BORCS8: variants seen among roughly 807,000 people sequenced by gnomAD.
BORCS8 encodes the protein BLOC-1-related complex subunit 8.
BORCS8 carries 13 observed loss-of-function variants against 18.7 expected under a neutral mutation model. The ratio of observed to expected loss-of-function variants is 0.70; its 90% CI spans 0.45 to 1.11. The LOEUF (loss-of-function observed/expected upper bound fraction) is 1.11. Ranked by LOEUF, BORCS8 falls within the 50% of genes least tolerant of loss-of-function variation. BORCS8 has a pLI of 0.00. For synonymous variants in BORCS8, 68 were observed against 64.8 expected (o/e 1.05, Z -0.24); for missense variants, 165 against 165.7 (o/e 1.00, Z 0.02).
chr19:19,182,303 GTA>G lies in BORCS8; in HGVS notation c.326+268_326+269del. 1.3e-6 allele frequency: 1 copy of G among 754,072 alleles called. No individual in the cohort carries two copies. Among genetic ancestry groups the G allele is most frequent in the Non-Finnish European group, 1.8e-6 (1 of 552,710 alleles). 46.7% of individuals were successfully genotyped at this position (754,072 alleles called of 1,614,324 possible). A position where few individuals can be genotyped will look rare whatever the true frequency, so the allele number is the denominator to read the frequency against. ...TGTCTGCCATGTTTACCTGGTTGTC[GTA>G]TGTCTCCTTGTGAGCCTGTCTGTCT... On this transcript the variant is annotated intron_variant, in intron 4 of 5. Transcript: ENST00000462790. The surrounding 1 kb of genome is among the most constrained non-coding windows in gnomAD (Gnocchi z 4.1).
intron 1 of BORCS8, among the ~76,000 whole-genome samples, chr19:19,191,727 G>A (rs1434877171): frequency 6.6e-6 from 1 of 151,986 alleles, no homozygotes; most frequent in African/African-American, 2.4e-5. Flanking sequence ...CCACAGGCGT[G>A]CGCCACCACG....
Position 19,180,743 on chromosome 19 carries a change from C to T in BORCS8, c.345G>A (p.Pro115=), listed in dbSNP as rs531836910. The stretch of plus-strand genomic sequence containing the variant: ...TCTTCCAGGATCAGGCTGAGGAGGG[C>T]GGGGGTGGTTCCTCCGGGCTGCAAC... The part of the protein sequence containing the change: ...AQGHSPEEPP[P]PSSA Residue 115 remains proline (P), a synonymous_variant, in exon 5 of 6, where the codon CCG becomes CCA. Transcript: ENST00000462790. 6.7e-5 allele frequency: 104 copies of T among 1,549,404 alleles called. No homozygotes were observed. The highest frequency in any genetic ancestry group is 2.0e-4 in the East Asian group (8 of 40,870).
chr19:19,178,213 G>C (rs1042117628), intron 5 of BORCS8: 4 of 152,370 alleles, frequency 2.6e-5, no homozygotes, highest in Non-Finnish European at 5.9e-5. Flanking sequence ...TCGATGGGGG[G>C]CCAGTGAGAG....
At chr19:19,183,142 A>C (rs546888968) in intron 3 of BORCS8, among the ~76,000 whole-genome samples, 2 of 152,168 alleles carry the variant, frequency 1.3e-5, no homozygotes, top group African/African-American at 4.8e-5. Context: ...GGCGCAGTGG[A>C]TCATGCCTGT....
At position 19,182,817 on chromosome 19, in the gene BORCS8, G is replaced by GAA. The variant is rs1359850396; in HGVS notation, c.216-135_216-134insTT. 6 of 1,190,602 alleles carry GAA rather than the reference G, an allele frequency of 5.0e-6. No homozygotes were observed. In the Admixed American group the frequency reaches 1.7e-4, roughly 34 times the overall value. The allele number at this position is 1,190,602 out of a possible 1,614,324, so 73.8% of individuals were successfully genotyped here. On this transcript the variant is annotated intron_variant, in intron 3 of 5. Transcript: ENST00000462790. This position sits in a 1 kb window ranked among gnomAD's most constrained non-coding sequence, Gnocchi z 4.1. ...GCGGGCTTCCCGAAGGACTCACAGT[G>GAA]GGCTTACATTTTAGATTTCCCTGCT...
At position 19,177,309 on chromosome 19, in the gene BORCS8, T is replaced by C. The variant is rs1191508435; in HGVS notation, c.*194A>G. 6.6e-6 allele frequency: 1 copy of C among 152,098 alleles called. No individual in the cohort carries two copies. Among genetic ancestry groups the C allele is most frequent in the Admixed American group, 6.6e-5 (1 of 15,238 alleles). 9.4% of individuals were successfully genotyped at this position (152,098 alleles called of 1,614,324 possible). A position where few individuals can be genotyped will look rare whatever the true frequency, so the allele number is the denominator to read the frequency against. On this transcript the variant is annotated 3_prime_UTR_variant, in exon 6 of 6. Transcript: ENST00000462790. Reference sequence around the variant, plus strand: ...AACTCAGCCTGTAGAGAAGGTGCAGTCCAGCCTTCCTTATCCAGATGAAGA... The same window carrying C: ...AACTCAGCCTGTAGAGAAGGTGCAGCCCAGCCTTCCTTATCCAGATGAAGA...
intron 4 of BORCS8, chr19:19,181,951 C>A (rs983063360): frequency 2.0e-6 from 2 of 985,376 alleles, no homozygotes; most frequent in Admixed American, 1.2e-4. Flanking sequence ...CAAAAATTCT[C>A]TTTCCAATGT....
At chr19:19,191,260 T>C (rs1047633893) in intron 1 of BORCS8, among the ~76,000 whole-genome samples, 4 of 151,514 alleles carry the variant, frequency 2.6e-5, no homozygotes, top group Non-Finnish European at 5.9e-5. Context: ...GGGGCTGAGG[T>C]TGCAGTGAGC....
At chr19:19,188,250 C>T (rs534769929) in intron 1 of BORCS8, among the ~76,000 whole-genome samples, 148 of 152,048 alleles carry the variant, frequency 9.7e-4, no homozygotes, top group African/African-American at 7.5e-4. Context: ...AGGATGGTCT[C>T]GATCTCCTGA....
intron 3 of BORCS8, among the ~76,000 whole-genome samples, chr19:19,185,285 G>A (rs554103826): frequency 6.6e-6 from 1 of 152,308 alleles, no homozygotes; most frequent in Non-Finnish European, 1.5e-5. Flanking sequence ...GTGCAAAGTC[G>A]AGGAACTTCC....
At chr19:19,192,053 C>T (rs2060490434) in intron 1 of BORCS8, 28 bp downstream of exon 1, 1 of 1,551,268 alleles carries the variant, frequency 6.4e-7, no homozygotes, top group South Asian at 1.2e-5. Flanking sequence ...TACCGGCCCC[C>T]TCTGTCCCGC....
chr19:19,178,121 C>T (rs1235246529), intron 5 of BORCS8: 1 of 152,300 alleles, frequency 6.6e-6, no homozygotes, highest in Non-Finnish European at 1.5e-5. Context: ...TGAGATGACC[C>T]CTGTGAAGAC....
chr19:19,180,186 C>T (rs16995947), intron 5 of BORCS8: 2,180 of 173,738 alleles, frequency 0.013, 56 homozygotes, highest in African/African-American at 0.048. Context: ...CTCTTGGTCA[C>T]CTGAGAGCCA....
rs1175556043 is a variant in BORCS8, at chr19:19,182,708, C to G, written c.216-25G>C. On this transcript the variant is annotated intron_variant, in intron 3 of 5. Coordinates refer to ENST00000462790, the MANE Select transcript of BORCS8 (RefSeq NM_001145784.2). This position sits in a 1 kb window ranked among gnomAD's most constrained non-coding sequence, Gnocchi z 4.1. ...GCTGAAACGGGAGGACAGGCCTGGT[C>G]AGCGCTCCGGACCTGCAGGTAACTG... 5.8e-6 allele frequency: 9 copies of G among 1,543,552 alleles called. No individual in the cohort carries two copies. The highest frequency in any genetic ancestry group is 7.9e-6 in the Non-Finnish European group (9 of 1,143,962).
At chr19:19,184,262 C>CAGAAGAA (rs2060383464) in intron 3 of BORCS8, among the ~76,000 whole-genome samples, 2 of 150,620 alleles carry the variant, frequency 1.3e-5, no homozygotes. Flanking sequence ...CTAGAGGAAG[C>CAGAAGAA]AGAAGAAAGC....
intron 1 of BORCS8, among the ~76,000 whole-genome samples, chr19:19,191,835 T>C (rs1303416247): frequency 1.3e-5 from 2 of 152,158 alleles, no homozygotes; most frequent in Non-Finnish European, 1.5e-5. Flanking sequence ...CCTCCCAAAG[T>C]GCTGGGATTA....
chr19:19,180,839 T>C, intron 4 of BORCS8, 78 bp from the exon 5 acceptor site: 2 of 1,414,462 alleles, frequency 1.4e-6, no homozygotes, highest in Non-Finnish European at 1.9e-6. Context: ...GGAGTGTATG[T>C]TTGGGTGATA....
Position 19,181,987 on chromosome 19 carries a change from T to C in BORCS8, c.326+586A>G, listed in dbSNP as rs187584232. The C allele has an allele frequency of 3.0e-6, 3 of 985,466 alleles. No homozygotes were observed. In the East Asian group the frequency reaches 3.4e-4, roughly 112 times the overall value. The allele number at this position is 985,466 out of a possible 1,614,324, so 61.0% of individuals were successfully genotyped here. On this transcript the variant is annotated intron_variant, in intron 4 of 5. Transcript: ENST00000462790. ...TCAAGGACTGTGAGTGCTTTTCGTTTTCAGACCCCTGGTCCTGGGCTTAAA... is the reference window on the plus strand; with the variant it reads ...TCAAGGACTGTGAGTGCTTTTCGTTCTCAGACCCCTGGTCCTGGGCTTAAA...
intron 1 of BORCS8, among the ~76,000 whole-genome samples, chr19:19,190,950 A>G (rs1371983394): frequency 6.6e-6 from 1 of 151,674 alleles, no homozygotes; most frequent in Non-Finnish European, 1.5e-5. Context: ...TTCAAAAAGC[A>G]AAACTTCAAT....
Sources: gnomAD v4.1 joint callset for allele counts (sites outside exome capture counted in the v4.1 genomes callset) on GRCh38, gnomAD v4.1.1 for gene constraint, Gnocchi (gnomAD v3.1) non-coding constraint, MANE v1.5 for transcripts, NCBI Gene and HGNC (gene_info 2026-07-23, HGNC 2026-07-21) for gene names.